MAP2K5: variants seen among roughly 807,000 people sequenced by gnomAD.
MAP2K5 encodes mitogen-activated protein kinase kinase 5, also known as dual specificity mitogen-activated protein kinase kinase 5.
A neutral mutation model predicts 83.1 loss-of-function variants in MAP2K5; 49 were observed. That is an observed-to-expected ratio of 0.59 (90% CI 0.47 to 0.75). The LOEUF is 0.75. Ranked by LOEUF, MAP2K5 falls within the 30% of genes least tolerant of loss-of-function variation. MAP2K5 has a pLI of 0.00. For synonymous variants in MAP2K5, 202 were observed against 191.8 expected, an observed-to-expected ratio of 1.05 and a Z score of -0.44; for missense variants, 457 against 557.5, an observed-to-expected ratio of 0.82 and a Z score of 1.82.
Position 67,747,470 on chromosome 15 carries a change from C to G in MAP2K5, c.1075-761C>G, listed in dbSNP as rs1194302677. Among the ~76,000 whole-genome samples, 1 of 152,162 alleles carries G rather than the reference C, an allele frequency of 6.6e-6. No individual in the cohort carries two copies. The highest frequency in any genetic ancestry group is 2.4e-5 in the African/African-American group (1 of 41,420). On this transcript the variant is annotated intron_variant, in intron 17 of 21. Transcript: ENST00000178640. This position sits in a 1 kb window ranked among gnomAD's most constrained non-coding sequence, Gnocchi z 4.1. ...ACTGAAGTGTTTAGTACTTTAATGACTAAGTGGATGTTTTATTAATTTTTA... is the reference window on the plus strand; with the variant it reads ...ACTGAAGTGTTTAGTACTTTAATGAGTAAGTGGATGTTTTATTAATTTTTA...
In MAP2K5 at chr15:67,757,202, T is replaced by C. The variant is rs548945526; in HGVS notation, c.1134+8601T>C. The stretch of plus-strand genomic sequence containing the variant: ...TTCCCTTTTCTCCACATCCTCACCA[T>C]CCCTAGTTACCTTTTGACTTTTTTG... On this transcript the variant is annotated intron_variant, in intron 19 of 21. Transcript: ENST00000178640. This position sits in a 1 kb window ranked among gnomAD's most constrained non-coding sequence, Gnocchi z 4.9. Among the ~76,000 whole-genome samples the C allele has an allele frequency of 6.6e-6, 1 of 152,276 alleles. No individual in the cohort carries two copies. Among genetic ancestry groups the C allele is most frequent in the African/African-American group, 2.4e-5 (1 of 41,548 alleles).
chr15:67,589,997 A>G (rs539615479), intron 6 of MAP2K5, among the ~76,000 whole-genome samples: 3 of 152,286 alleles, frequency 2.0e-5, no homozygotes, highest in South Asian at 4.1e-4. Context: ...AGCAGCTGCT[A>G]TTATTATGTT....
intron 7 of MAP2K5, among the ~76,000 whole-genome samples, chr15:67,596,413 CAAAAA>C (rs969520918): frequency 2.0e-5 from 3 of 150,784 alleles, no homozygotes; most frequent in African/African-American, 7.3e-5. Flanking sequence ...GACTCTGTCT[CAAAAA>C]AAACTCAACA....
At chr15:67,692,894 A>G (rs1381720456) in intron 14 of MAP2K5, among the ~76,000 whole-genome samples, 1 of 152,220 alleles carries the variant, frequency 6.6e-6, no homozygotes, top group Non-Finnish European at 1.5e-5. Context: ...CTGGCCCACA[A>G]TAAAAATTAA....
chr15:67,560,128 A>C (rs78836369), intron 2 of MAP2K5, among the ~76,000 whole-genome samples: 2,593 of 152,312 alleles, frequency 0.017, 80 homozygotes, highest in African/African-American at 0.058. Context: ...TTTGCTTAGT[A>C]TGTATTTCTG....
intron 9 of MAP2K5, among the ~76,000 whole-genome samples, chr15:67,632,783 A>G (rs1206996874): frequency 1.3e-5 from 2 of 152,240 alleles, no homozygotes; most frequent in Admixed American, 6.5e-5. Flanking sequence ...AATTGCTTAT[A>G]CCTTTTAGTA....
intron 6 of MAP2K5, among the ~76,000 whole-genome samples, chr15:67,590,468 T>TCTCTCTCTCTCTCTCTCTCTTA (rs59998974): frequency 3.7e-5 from 1 of 27,226 alleles, no homozygotes; most frequent in Non-Finnish European, 7.5e-5. Flanking sequence ...TCTCTCTCTC[T>TCTCTCTCTCTCTCTCTCTCTTA]CTCTCTCTTT....
chr15:67,587,462 A>G lies in MAP2K5; in HGVS notation c.431+549A>G, dbSNP rs1343970882. 6.6e-6 allele frequency among the ~76,000 whole-genome samples: 1 copy of G among 152,188 alleles called. No homozygotes were observed. Among genetic ancestry groups the G allele is most frequent in the Non-Finnish European group, 1.5e-5 (1 of 68,034 alleles). On this transcript the variant is annotated intron_variant, in intron 6 of 21. Coordinates refer to ENST00000178640, the MANE Select transcript of MAP2K5 (RefSeq NM_145160.3). The surrounding 1 kb of genome is among the most constrained non-coding windows in gnomAD (Gnocchi z 4.8). ...TCTGCCTGTGGTGTGGCGAATGAGC[A>G]GAAGCTCCCATCTAATCCTGCCCTC...
At chr15:67,567,526 G>A (rs1015131289) in intron 3 of MAP2K5, among the ~76,000 whole-genome samples, 91 of 151,866 alleles carry the variant, frequency 6.0e-4, no homozygotes, top group Non-Finnish European at 8.4e-4. Context: ...CACCGCGCCC[G>A]GCTAATTTTT....
At chr15:67,592,632 CAGT>C (rs2085438814) in intron 6 of MAP2K5, among the ~76,000 whole-genome samples, 2 of 152,172 alleles carry the variant, frequency 1.3e-5, no homozygotes, top group Admixed American at 1.3e-4. Flanking sequence ...TATCTAAAGG[CAGT>C]AGAACTAATG....
Position 67,563,425 on chromosome 15 carries a change from A to G in MAP2K5, c.252+75A>G. The G allele has an allele frequency of 6.6e-7, 1 of 1,517,054 alleles. No individual in the cohort carries two copies. Among genetic ancestry groups the G allele is most frequent in the Non-Finnish European group, 8.8e-7 (1 of 1,130,900 alleles). 94.0% of individuals were successfully genotyped at this position (1,517,054 alleles called of 1,614,324 possible). A position where few individuals can be genotyped will look rare whatever the true frequency, so the allele number is the denominator to read the frequency against. ...AGGATGCTGTTTCTTGGGCATAGTG[A>G]AGACGAGTAAATAAATCACAGTTGT... is the stretch of plus-strand genomic sequence containing the variant. On this transcript the variant is annotated intron_variant, in intron 3 of 21. Coordinates refer to ENST00000178640, the MANE Select transcript of MAP2K5 (RefSeq NM_145160.3). This position sits in a 1 kb window ranked among gnomAD's most constrained non-coding sequence, Gnocchi z 4.5.
At position 67,630,930 on chromosome 15, in the gene MAP2K5, A is replaced by G; in HGVS notation, c.585+3A>G. On this transcript the variant is annotated splice_donor_region_variant and intron_variant, in intron 9 of 21. Coordinates refer to ENST00000178640, the MANE Select transcript of MAP2K5 (RefSeq NM_145160.3). ...GTGGGAAAATATTAGCTGTAAAGGT[A>G]AGTACTGGATACATTTTATGAAATT... 1.2e-6 allele frequency: 2 copies of G among 1,602,674 alleles called. No individual in the cohort carries two copies. Among genetic ancestry groups the G allele is most frequent in the South Asian group, 1.1e-5 (1 of 90,372 alleles).
At chr15:67,691,124 A>G (rs969515513) in intron 13 of MAP2K5, among the ~76,000 whole-genome samples, 15 of 152,190 alleles carry the variant, frequency 9.9e-5, no homozygotes, top group South Asian at 4.1e-4. Context: ...ATCAACCACA[A>G]TGTGTACTTG....
At chr15:67,546,405 TAGTCACCG>T (rs1436952519) in intron 1 of MAP2K5, 5 of 163,784 alleles carry the variant, frequency 3.1e-5, no homozygotes, top group Admixed American at 6.5e-5. Flanking sequence ...AAGCAGGTTG[TAGTCACCG>T]AGTCAGCCAT....
At chr15:67,600,776 T>C in intron 8 of MAP2K5, 27 bp downstream of exon 8, 3 of 1,560,620 alleles carry the variant, frequency 1.9e-6, no homozygotes, top group South Asian at 2.4e-5. Flanking sequence ...GTTTAAACTT[T>C]CTATCCGCTT....
rs1225059703 is a variant in MAP2K5 at position 67,785,018 on chromosome 15, C to G, written c.1242+12266C>G. 2.0e-5 allele frequency among the ~76,000 whole-genome samples: 3 copies of G among 152,220 alleles called. No individual in the cohort carries two copies. Among genetic ancestry groups the G allele is most frequent in the Admixed American group, 6.5e-5 (1 of 15,276 alleles). On this transcript the variant is annotated intron_variant, in intron 21 of 21. Coordinates refer to ENST00000178640, the MANE Select transcript of MAP2K5 (RefSeq NM_145160.3). The surrounding 1 kb of genome is among the most constrained non-coding windows in gnomAD (Gnocchi z 4.4). Reference sequence around the variant, plus strand: ...GCAGTGACACGATCTTGGCTCAGTGCAGCCTCAATCTCCCAGGCTCAGGTG... The same window carrying G: ...GCAGTGACACGATCTTGGCTCAGTGGAGCCTCAATCTCCCAGGCTCAGGTG...
intron 11 of MAP2K5, among the ~76,000 whole-genome samples, chr15:67,655,878 G>A (rs938213246): frequency 3.3e-5 from 5 of 151,988 alleles, no homozygotes; most frequent in African/African-American, 1.2e-4. Context: ...GTATTTTACA[G>A]GTCTCCGAGA....
At chr15:67,584,804 C>G (rs1167755333) in intron 4 of MAP2K5, among the ~76,000 whole-genome samples, 1 of 150,098 alleles carries the variant, frequency 6.7e-6, no homozygotes, top group African/African-American at 2.5e-5. Context: ...TCACGACATT[C>G]TCCTGCCTCA....
intron 21 of MAP2K5, among the ~76,000 whole-genome samples, chr15:67,789,862 T>C (rs540192383): frequency 6.6e-6 from 1 of 152,314 alleles, no homozygotes; most frequent in East Asian, 1.9e-4. Flanking sequence ...TCTTCCTTCA[T>C]CTTGTTGAAG....
Sources: allele counts gnomAD v4.1 joint callset (sites outside exome capture counted in the v4.1 genomes callset), GRCh38; gene constraint gnomAD v4.1.1; non-coding constraint Gnocchi (gnomAD v3.1); transcripts MANE v1.5; gene names NCBI Gene and HGNC (gene_info 2026-07-23, HGNC 2026-07-21).